The following CAST variants were observed in gnomAD, a reference collection of about 807,000 sequenced individuals.
The protein encoded by CAST is MIR583 host.
CAST carries 76 observed loss-of-function variants against 119.6 expected under a neutral mutation model. That is an observed-to-expected ratio of 0.64 (90% CI 0.53 to 0.77). CAST has a LOEUF of 0.77. Among genes scored for constraint, CAST ranks in the 30% least tolerant of loss-of-function variants. CAST has a pLI of 0.00. For missense variants in CAST, 953 were observed against 946.5 expected (o/e 1.01, Z -0.09); for synonymous variants, 319 against 331.6 (o/e 0.96, Z 0.41).
rs1765761706 is a variant in CAST at position 96,754,112 on chromosome 5, A to G, written c.1577A>G (p.Lys526Arg). 1.2e-6 allele frequency: 2 copies of G among 1,613,856 alleles called. No individual in the cohort carries two copies. The highest frequency in any genetic ancestry group is 2.2e-5 in the East Asian group (1 of 44,894). Residue 526 changes from lysine (K) to arginine (R), a missense_variant, in exon 21 of 32, where the codon AAA becomes AGA. Physicochemically the swap from Lys to Arg is conservative, Grantham distance 26. Coordinates refer to ENST00000675179, the MANE Select transcript of CAST (RefSeq NM_001750.7). The part of the protein sequence containing the change: ...AVEALADSLG[K>R]KEADPEDGKP... The stretch of plus-strand genomic sequence containing the variant: ...GAAGCCTTGGCTGATAGCCTGGGGA[A>G]AAAGGAAGCAGATCCAGAAGATGGA...
the CAST span, among the ~76,000 whole-genome samples, chr5:96,087,163 G>A: frequency 7.9e-5 from 12 of 152,304 alleles, no homozygotes; most frequent in South Asian, 8.3e-4. Flanking sequence ...ACAGTATTCC[G>A]TAAGTGTTGG....
upstream of CAST, among the ~76,000 whole-genome samples, chr5:96,657,811 T>G (rs1748184926): frequency 6.6e-6 from 1 of 152,184 alleles, no homozygotes; most frequent in Admixed American, 6.5e-5. Context: ...AATGTAATTT[T>G]GTAGGCCAGG....
At chr5:96,671,826 G>A (rs185984179) in intron 1 of CAST, among the ~76,000 whole-genome samples, 2 of 152,306 alleles carry the variant, frequency 1.3e-5, no homozygotes, top group Non-Finnish European at 2.9e-5. Flanking sequence ...TTAGAAAGAC[G>A]CCTGCAGATT....
At chr5:96,606,357 T>C (rs1303595765) in intron 1 of CAST, among the ~76,000 whole-genome samples, 1 of 152,234 alleles carries the variant, frequency 6.6e-6, no homozygotes, top group Admixed American at 6.5e-5. Flanking sequence ...TCTCTGAGTG[T>C]CAGATTTTTA....
chr5:96,263,810 C>T, the CAST span, among the ~76,000 whole-genome samples: 5 of 151,998 alleles, frequency 3.3e-5, no homozygotes, highest in African/African-American at 9.7e-5. Context: ...TGGTGGAAGC[C>T]AAAGGAGAAG....
chr5:96,030,473 A>G, the CAST span, among the ~76,000 whole-genome samples: 1 of 152,188 alleles, frequency 6.6e-6, no homozygotes, highest in African/African-American at 2.4e-5. Flanking sequence ...CTGGAGGCCT[A>G]TGCTTGGTCA....
At chr5:96,421,849 C>T in the CAST span, 1 of 1,164,548 alleles carries the variant, frequency 8.6e-7, no homozygotes, top group Non-Finnish European at 1.3e-6. Flanking sequence ...TTGTAAAGTA[C>T]TTTATTTCAC....
At chr5:96,437,643 A>G in the CAST span, among the ~76,000 whole-genome samples, 7 of 152,192 alleles carry the variant, frequency 4.6e-5, 1 homozygote, top group African/African-American at 1.4e-4. Flanking sequence ...TACCAGCATT[A>G]TAGGCATCAC....
At chr5:96,584,813 C>T (rs1746828883) in intron 1 of CAST, 1 of 152,268 alleles carries the variant, frequency 6.6e-6, no homozygotes, top group Admixed American at 6.5e-5. Flanking sequence ...GAGGCTTCTG[C>T]AAGGGAGAAA....
the CAST span, among the ~76,000 whole-genome samples, chr5:96,296,443 T>A: frequency 6.6e-6 from 1 of 152,226 alleles, no homozygotes; most frequent in African/African-American, 2.4e-5. Context: ...TTATATGTAT[T>A]AAATTCATAA....
chr5:96,506,942 A>G, the CAST span, among the ~76,000 whole-genome samples: 5 of 152,216 alleles, frequency 3.3e-5, no homozygotes, highest in Non-Finnish European at 1.5e-5. Context: ...CCAAACTCCT[A>G]AAGATTGCTA....
At chr5:96,601,001 GA>G (rs1263445339) in intron 1 of CAST, among the ~76,000 whole-genome samples, 1 of 151,822 alleles carries the variant, frequency 6.6e-6, no homozygotes, top group Non-Finnish European at 1.5e-5. Context: ...TCTGGTTTAC[GA>G]ACCTACCTCC....
chr5:96,158,275 G>A, the CAST span, among the ~76,000 whole-genome samples: 11 of 152,158 alleles, frequency 7.2e-5, no homozygotes, highest in Admixed American at 4.6e-4. Context: ...CTAATCCAGG[G>A]AAGACTTACA....
At chr5:96,283,155 T>G in the CAST span, among the ~76,000 whole-genome samples, 2 of 99,846 alleles carry the variant, frequency 2.0e-5, no homozygotes, top group African/African-American at 7.5e-5. Flanking sequence ...AGAAAAAAAT[T>G]TATTACAGGG....
upstream of CAST, among the ~76,000 whole-genome samples, chr5:96,529,577 G>A (rs1312651547): frequency 6.6e-6 from 1 of 152,072 alleles, no homozygotes; most frequent in Non-Finnish European, 1.5e-5. Context: ...TGAGATTTCA[G>A]CATTTATTTA....
the CAST span, among the ~76,000 whole-genome samples, chr5:96,185,861 A>AT: frequency 4.4e-4 from 65 of 147,914 alleles, no homozygotes; most frequent in East Asian, 3.3e-3. Flanking sequence ...TGAATTTTAA[A>AT]TTTTTTTTTT....
the CAST span, chr5:96,425,815 C>G: frequency 2.7e-6 from 4 of 1,504,590 alleles, no homozygotes; most frequent in African/African-American, 1.4e-5. Flanking sequence ...TCTGTAGGTA[C>G]TTACCAAGTA....
the CAST span, among the ~76,000 whole-genome samples, chr5:96,518,862 T>A: frequency 2.0e-5 from 3 of 152,032 alleles, no homozygotes; most frequent in Admixed American, 6.6e-5. Flanking sequence ...AAAATATTTT[T>A]AAAAAATTAG....
At chr5:96,615,938 C>T (rs1747448073) in intron 1 of CAST, among the ~76,000 whole-genome samples, 1 of 152,184 alleles carries the variant, frequency 6.6e-6, no homozygotes, top group African/African-American at 2.4e-5. Flanking sequence ...AGTCCCAAAA[C>T]TGAAGAACTG....
Sources: gnomAD v4.1 joint callset for allele counts (sites outside exome capture counted in the v4.1 genomes callset) on GRCh38, gnomAD v4.1.1 for gene constraint, MANE v1.5 for transcripts, NCBI Gene and HGNC (gene_info 2026-07-23, HGNC 2026-07-21) for gene names.